Variants in PCDHGA10 observed in about 807,000 individuals in gnomAD.
PCDHGA10 encodes protocadherin gamma-A10.
In PCDHGA10, 42 loss-of-function variants were observed where a neutral mutation model predicts 59.5. That is an observed-to-expected ratio of 0.71 (90% CI 0.55 to 0.91). PCDHGA10 has a LOEUF of 0.91. PCDHGA10 is among the 40% of genes least tolerant of loss of function. The pLI, the probability that PCDHGA10 is intolerant of heterozygous loss-of-function variation, is 0.00. For synonymous variants in PCDHGA10, 511 were observed against 517.2 expected (o/e 0.99, Z 0.16); for missense variants, 1,111 against 1,198.2 (o/e 0.93, Z 1.07).
intron 1 of PCDHGA10, among the ~76,000 whole-genome samples, chr5:141,468,830 C>T (rs561511870): frequency 2.0e-5 from 3 of 152,170 alleles, no homozygotes; most frequent in East Asian, 1.9e-4. Flanking sequence ...CAAGCCACTG[C>T]ACTCCAGCCT....
chr5:141,487,577 C>A lies in PCDHGA10; in HGVS notation c.2437-7230C>A. 1.2e-6 allele frequency: 2 copies of A among 1,614,150 alleles called. No individual in the cohort carries two copies. Among genetic ancestry groups the A allele is most frequent in the Non-Finnish European group, 1.7e-6 (2 of 1,180,024 alleles). ...ACCTATGGCAGGGGAGCCTGTTCGC[C>A]CAAGCTGCCCACCCTCTGATCTTCT... On this transcript the variant is annotated intron_variant, in intron 1 of 3. Coordinates refer to ENST00000398610, the MANE Select transcript of PCDHGA10 (RefSeq NM_018913.3). The surrounding 1 kb of genome is among the most constrained non-coding windows in gnomAD (Gnocchi z 5.0).
Position 141,476,383 on chromosome 5 carries a change from C to T in PCDHGA10, c.2437-18424C>T, listed in dbSNP as rs547854431. The T allele has an allele frequency of 6.2e-7, 1 of 1,613,984 alleles. No homozygotes were observed. The highest frequency in any genetic ancestry group is 8.5e-7 in the Non-Finnish European group (1 of 1,180,044). On this transcript the variant is annotated intron_variant, in intron 1 of 3. Coordinates refer to ENST00000398610, the MANE Select transcript of PCDHGA10 (RefSeq NM_018913.3). This position sits in a 1 kb window ranked among gnomAD's most constrained non-coding sequence, Gnocchi z 7.6. ...GGGAGACCGGAGAGATGTTTGTGAA[C>T]GACCGTCTGGATCGAGAGGAGCTGT...
chr5:141,510,451 G>A (rs1330148267), intron 3 of PCDHGA10, among the ~76,000 whole-genome samples: 2 of 152,096 alleles, frequency 1.3e-5, no homozygotes, highest in East Asian at 1.9e-4. Context: ...AGGAGCCCAT[G>A]GTCTAGTGTG....
rs142590218 is a variant in PCDHGA10, at chr5:141,489,982, C to T, written c.2437-4825C>T. On this transcript the variant is annotated intron_variant, in intron 1 of 3. Coordinates refer to ENST00000398610, the MANE Select transcript of PCDHGA10 (RefSeq NM_018913.3). This position sits in a 1 kb window ranked among gnomAD's most constrained non-coding sequence, Gnocchi z 4.5. ...TCCAACCTTCCAATCCTCAGTTCTA[C>T]GTGTGGGAATCCCAGAGAATGCACC... The T allele has an allele frequency of 2.9e-5, 47 of 1,614,010 alleles. No individual in the cohort carries two copies. The highest frequency in any genetic ancestry group is 3.7e-5 in the Non-Finnish European group (44 of 1,179,964).
chr5:141,500,433 T>A (rs1398344932), intron 2 of PCDHGA10, among the ~76,000 whole-genome samples: 17 of 151,882 alleles, frequency 1.1e-4, no homozygotes, highest in East Asian at 7.8e-4. Flanking sequence ...ATGGTCTCGA[T>A]CTCCTGACCT....
intron 1 of PCDHGA10, among the ~76,000 whole-genome samples, chr5:141,480,875 T>C (rs1285607270): frequency 6.6e-6 from 1 of 152,062 alleles, no homozygotes; most frequent in African/African-American, 2.4e-5. Context: ...TGAAACCCCG[T>C]CTCTACTAAA....
At chr5:141,420,050 C>T in intron 1 of PCDHGA10, 1 of 1,614,076 alleles carries the variant, frequency 6.2e-7, no homozygotes, top group Non-Finnish European at 8.5e-7. Flanking sequence ...TGAGTCAGTT[C>T]TCTGCTCCAA....
In PCDHGA10 at chr5:141,418,400, G is replaced by C; in HGVS notation, c.2436+2789G>C. ...AAGTCCTAACGAGTATTTCTCATTGGTGGAGAAAGACAATCCTGATGGTGG... is the reference window on the plus strand; with the variant it reads ...AAGTCCTAACGAGTATTTCTCATTGCTGGAGAAAGACAATCCTGATGGTGG... On this transcript the variant is annotated intron_variant, in intron 1 of 3. Coordinates refer to ENST00000398610, the MANE Select transcript of PCDHGA10 (RefSeq NM_018913.3). The C allele has an allele frequency of 6.2e-7, 1 of 1,613,900 alleles. No homozygotes were observed. The highest frequency in any genetic ancestry group is 8.5e-7 in the Non-Finnish European group (1 of 1,179,794).
chr5:141,427,405 C>T (rs1209638263), intron 1 of PCDHGA10: 1 of 462,180 alleles, frequency 2.2e-6, no homozygotes, highest in East Asian at 6.8e-5. Context: ...GATAAAGATT[C>T]GAGAGAAAAT....
chr5:141,427,829 G>C, intron 1 of PCDHGA10: 1 of 1,538,520 alleles, frequency 6.5e-7, no homozygotes. Flanking sequence ...TGGTCGCGCA[G>C]CGTGCCTTCG....
At chr5:141,416,033 C>T (rs770398549) in intron 1 of PCDHGA10, 22 of 202,600 alleles carry the variant, frequency 1.1e-4, no homozygotes, top group Non-Finnish European at 1.9e-4. Flanking sequence ...AAAGAAATCA[C>T]CTCTGGAAAC....
intron 1 of PCDHGA10, chr5:141,423,748 T>TG: frequency 7.2e-6 from 2 of 278,014 alleles, no homozygotes; most frequent in Admixed American, 4.2e-4. Flanking sequence ...ATGAAAACTG[T>TG]TTGGGGGGGG....
In PCDHGA10 at chr5:141,418,939, C is replaced by T. The variant is rs766248741; in HGVS notation, c.2436+3328C>T. The T allele has an allele frequency of 8.7e-6, 14 of 1,613,642 alleles. No individual in the cohort carries two copies. In the African/African-American group the frequency reaches 1.7e-4, roughly 20 times the overall value. On this transcript the variant is annotated intron_variant, in intron 1 of 3. Transcript: ENST00000398610. ...TCTCTGATCAGATTATGGAGGATTC[C>T]CCTCCAGGAGTGGTTGTTGCCCTCT...
chr5:141,439,310 A>G lies in PCDHGA10; in HGVS notation c.2436+23699A>G, dbSNP rs775009481. ...TCCATGGAAAAAGTAAAGCCCAGGCATGGAAGTGGGAATGGAAAGAAAGAT... is the reference window on the plus strand; with the variant it reads ...TCCATGGAAAAAGTAAAGCCCAGGCGTGGAAGTGGGAATGGAAAGAAAGAT... On this transcript the variant is annotated intron_variant, in intron 1 of 3. Transcript: ENST00000398610. 1.6e-4 allele frequency among the ~76,000 whole-genome samples: 24 copies of G among 152,320 alleles called. No homozygotes were observed. In the South Asian group the frequency reaches 4.1e-3, roughly 26 times the overall value.
intron 2 of PCDHGA10, among the ~76,000 whole-genome samples, chr5:141,498,277 G>T (rs1216561939): frequency 6.6e-6 from 1 of 151,924 alleles, no homozygotes; most frequent in African/African-American, 2.4e-5. Flanking sequence ...CAGTAAACTT[G>T]GTTCAAGATC....
Position 141,413,215 on chromosome 5 carries a change from T to C in PCDHGA10, c.40T>C (p.Cys14Arg). The C allele has an allele frequency of 6.2e-7, 1 of 1,613,350 alleles. No individual in the cohort carries two copies. The highest frequency in any genetic ancestry group is 8.5e-7 in the Non-Finnish European group (1 of 1,179,568). ...QRNRSKESKD[C>R]SGLVLLCLFF... ...GAATCGCTCAAAGGAATCAAAGGAT[T>C]GCAGCGGGCTGGTCCTGCTCTGCCT... The change falls in exon 1 of 4, where the codon TGC (cysteine) becomes CGC (arginine). Residue 14 changes from cysteine (C) to arginine (R), a missense_variant. Transcript: ENST00000398610.
In PCDHGA10 at chr5:141,462,417, A is replaced by G. The variant is rs184240612; in HGVS notation, c.2437-32390A>G. 4.0e-4 allele frequency among the ~76,000 whole-genome samples: 61 copies of G among 152,300 alleles called. 1 individual carries two copies. The highest frequency in any genetic ancestry group is 3.2e-3 in the Admixed American group (49 of 15,300). ...TCTTTTATGGCACAGAATATGGTCT[A>G]TCTTGGTGAGTGTTGCTTACACACA... On this transcript the variant is annotated intron_variant, in intron 1 of 3. Transcript: ENST00000398610.
At position 141,486,427 on chromosome 5, in the gene PCDHGA10, A is replaced by T. The variant is rs775958317; in HGVS notation, c.2437-8380A>T. ...CTGGACCCTTGGATCGAGAGGCCAAATCTAGCTATGACATCATGGTCACTG... is the reference window on the plus strand; with the variant it reads ...CTGGACCCTTGGATCGAGAGGCCAATTCTAGCTATGACATCATGGTCACTG... On this transcript the variant is annotated intron_variant, in intron 1 of 3. Transcript: ENST00000398610. The surrounding 1 kb of genome is among the most constrained non-coding windows in gnomAD (Gnocchi z 5.0). 17 of 1,614,042 alleles carry T rather than the reference A, an allele frequency of 1.1e-5. No homozygotes were observed. The Admixed American group carries it at 2.8e-4, about 27-fold the overall frequency.
intron 1 of PCDHGA10, among the ~76,000 whole-genome samples, chr5:141,481,675 C>T (rs943204061): frequency 4.0e-5 from 6 of 151,490 alleles, no homozygotes; most frequent in Non-Finnish European, 5.9e-5. Context: ...AAAATCAGGC[C>T]GGGCCTGGTG....
Sources: gnomAD v4.1 joint callset for allele counts (sites outside exome capture counted in the v4.1 genomes callset) on GRCh38, gnomAD v4.1.1 for gene constraint, Gnocchi (gnomAD v3.1) non-coding constraint, MANE v1.5 for transcripts, NCBI Gene and HGNC (gene_info 2026-07-23, HGNC 2026-07-21) for gene names.